ZFHX3: variants seen among roughly 807,000 people sequenced by gnomAD.
ZFHX3 encodes zinc finger homeobox 3.
ZFHX3 carries 42 observed loss-of-function variants against 279.1 expected under a neutral mutation model. The ratio of observed to expected loss-of-function variants is 0.15; its 90% confidence interval spans 0.12 to 0.19. The LOEUF is 0.19. Ranked by LOEUF, ZFHX3 falls within the 10% of genes least tolerant of loss-of-function variation. The probability of loss-of-function intolerance (pLI) is 1.00; values close to 1 mark genes in which losing one functional copy is unlikely to be tolerated. For synonymous variants in ZFHX3, 2,293 were observed against 1,957.8 expected (o/e 1.17, Z -4.52); for missense variants, 4,981 against 4,754.0 (o/e 1.05, Z -1.40).
intron 3 of ZFHX3, among the ~76,000 whole-genome samples, chr16:73,451,241 G>T (rs1056936244): frequency 1.3e-5 from 2 of 152,178 alleles, no homozygotes; most frequent in African/African-American, 4.8e-5. Context: ...CTTACACTAG[G>T]GGATATACTA....
intron 6 of ZFHX3, among the ~76,000 whole-genome samples, chr16:73,139,418 T>A (rs1966840485): frequency 3.3e-5 from 5 of 152,234 alleles, no homozygotes; most frequent in Admixed American, 3.3e-4. Context: ...GTGGTGGAAT[T>A]TTTGGCGATT....
intron 1 of ZFHX3, among the ~76,000 whole-genome samples, chr16:72,998,808 A>G (rs1285261211): frequency 1.3e-5 from 2 of 152,204 alleles, no homozygotes; most frequent in African/African-American, 4.8e-5. Flanking sequence ...ACATGTCAAG[A>G]AGTTAAGCTG....
At chr16:72,867,128 A>T (rs2038042061) in intron 4 of ZFHX3, among the ~76,000 whole-genome samples, 1 of 152,196 alleles carries the variant, frequency 6.6e-6, no homozygotes, top group Non-Finnish European at 1.5e-5. Flanking sequence ...TCACTAAGCC[A>T]GCATGAGACT....
chr16:73,353,261 G>T (rs376264968), intron 3 of ZFHX3, among the ~76,000 whole-genome samples: 1 of 152,064 alleles, frequency 6.6e-6, no homozygotes, highest in Non-Finnish European at 1.5e-5. Flanking sequence ...ATCACCCATG[G>T]GCTCATTTCG....
chr16:73,140,491 A>C (rs1344053505), intron 6 of ZFHX3, among the ~76,000 whole-genome samples: 1 of 152,166 alleles, frequency 6.6e-6, no homozygotes, highest in Non-Finnish European at 1.5e-5. Flanking sequence ...TAAAGGTTTC[A>C]GTTCTACTAT....
intron 1 of ZFHX3, among the ~76,000 whole-genome samples, chr16:73,831,318 C>T (rs1960990760): frequency 6.6e-6 from 1 of 152,164 alleles, no homozygotes; most frequent in Non-Finnish European, 1.5e-5. Flanking sequence ...GCCATGTGTC[C>T]ACTCCGAGGT....
At chr16:72,813,909 C>T (rs939890204) in intron 5 of ZFHX3, among the ~76,000 whole-genome samples, 11 of 152,116 alleles carry the variant, frequency 7.2e-5, no homozygotes, top group Admixed American at 2.6e-4. Context: ...TGTGATGGGC[C>T]GCTCCTGAAC....
At chr16:73,662,402 A>C (rs1282352479) in intron 2 of ZFHX3, among the ~76,000 whole-genome samples, 1 of 152,156 alleles carries the variant, frequency 6.6e-6, no homozygotes, top group Non-Finnish European at 1.5e-5. Flanking sequence ...CATTAGATGG[A>C]TATCTCTTAC....
intron 7 of ZFHX3, among the ~76,000 whole-genome samples, chr16:73,104,431 A>T (rs921844060): frequency 1.3e-5 from 2 of 152,044 alleles, no homozygotes; most frequent in Non-Finnish European, 2.9e-5. Flanking sequence ...GGGTTTCACC[A>T]TGTTGCCCAG....
At chr16:73,891,134 A>G (rs2030524548) in intron 1 of ZFHX3, among the ~76,000 whole-genome samples, 1 of 151,722 alleles carries the variant, frequency 6.6e-6, no homozygotes, top group South Asian at 2.1e-4. Context: ...TTGACATGCA[A>G]ATGAGCTAGA....
rs570230959 is a variant in ZFHX3, at chr16:73,565,955, G to T, written c.-1546-109697C>A. ...AACACATAAAAATTTGGGCCGGGAT[G>T]GGGGGGATCCCAAGGAGAAAAGATG... On this transcript the variant is annotated intron_variant, in intron 2 of 17. Transcript: ENST00000641206. Among the ~76,000 whole-genome samples the T allele has an allele frequency of 5.9e-5, 9 of 152,254 alleles. No individual in the cohort carries two copies. In the South Asian group the frequency reaches 8.3e-4, roughly 14 times the overall value.
chr16:73,300,624 C>A lies in ZFHX3; in HGVS notation c.-1194+17616G>T, dbSNP rs369656270. 5.9e-5 allele frequency among the ~76,000 whole-genome samples: 9 copies of A among 152,346 alleles called. No homozygotes were observed. In the East Asian group the frequency reaches 9.7e-4, roughly 16 times the overall value. On this transcript the variant is annotated intron_variant, in intron 4 of 17. Coordinates refer to the ZFHX3 transcript ENST00000641206. ...GTTCAGGTGATGCTCATGCCTCAGC[C>A]TCCCGCGAAGCTGGGATTACAGGCG...
chr16:73,238,401 C>G (rs1335355407), intron 5 of ZFHX3, among the ~76,000 whole-genome samples: 1 of 152,140 alleles, frequency 6.6e-6, no homozygotes, highest in Non-Finnish European at 1.5e-5. Flanking sequence ...CAGGGCACCC[C>G]AAATCATCCC....
At chr16:73,049,123 A>G (rs1340852707), upstream of ZFHX3, among the ~76,000 whole-genome samples, 2 of 152,112 alleles carry the variant, frequency 1.3e-5, no homozygotes, top group Admixed American at 6.5e-5. Context: ...GGCGCCTTCT[A>G]TCTCCCCAAG....
At chr16:73,571,793 T>C (rs1007494658) in intron 2 of ZFHX3, among the ~76,000 whole-genome samples, 5 of 152,198 alleles carry the variant, frequency 3.3e-5, no homozygotes, top group Non-Finnish European at 5.9e-5. Flanking sequence ...CACAAACTTC[T>C]TTTTGGTTGT....
intron 4 of ZFHX3, 40 bp from the exon 5 acceptor site, chr16:72,829,899 AAG>A: frequency 6.2e-7 from 1 of 1,610,602 alleles, no homozygotes; most frequent in Non-Finnish European, 8.5e-7. Context: ...TAAAAATAAA[AAG>A]AAGATGAAGG....
At chr16:73,807,452 C>T (rs1355318589) in intron 1 of ZFHX3, among the ~76,000 whole-genome samples, 2 of 152,014 alleles carry the variant, frequency 1.3e-5, no homozygotes, top group African/African-American at 4.8e-5. Context: ...CCAACATCAT[C>T]TGTTAAAAGC....
At chr16:72,805,089 T>G (rs1385059796) in intron 7 of ZFHX3, among the ~76,000 whole-genome samples, 2 of 152,156 alleles carry the variant, frequency 1.3e-5, no homozygotes, top group African/African-American at 4.8e-5. Flanking sequence ...GTGATTCTTC[T>G]GCCTCAGCCT....
At chr16:73,810,566 G>C (rs778583052) in intron 1 of ZFHX3, among the ~76,000 whole-genome samples, 6 of 152,106 alleles carry the variant, frequency 3.9e-5, no homozygotes, top group African/African-American at 1.2e-4. Context: ...TTTGTAAAGC[G>C]CTTTCACACA....
Sources: allele counts gnomAD v4.1 joint callset (sites outside exome capture counted in the v4.1 genomes callset), GRCh38; gene constraint gnomAD v4.1.1; transcripts MANE v1.5; gene names NCBI Gene and HGNC (gene_info 2026-07-23, HGNC 2026-07-21).